Variants in DTD2 observed in about 807,000 individuals in gnomAD.
The protein encoded by DTD2 is D-tyrosyl-tRNA deacylase 2 (putative).
A neutral mutation model predicts 15.5 loss-of-function variants in DTD2; 12 were observed. The observed-to-expected ratio is 0.77, with a 90% CI of 0.50 to 1.25. The LOEUF is 1.25. Ranked by LOEUF, DTD2 falls within the 50% of genes most tolerant of loss-of-function variation. DTD2 has a pLI of 0.00. For missense variants in DTD2, 170 were observed against 201.1 expected, an observed-to-expected ratio of 0.85 and a Z score of 0.93; for synonymous variants, 59 against 77.3, an observed-to-expected ratio of 0.76 and a Z score of 1.24.
Position 31,457,269 on chromosome 14 carries a change from C to A in DTD2, c.111+14G>T. 6.5e-7 allele frequency: 1 copy of A among 1,549,058 alleles called. No homozygotes were observed. Among genetic ancestry groups the A allele is most frequent in the East Asian group, 2.4e-5 (1 of 41,564 alleles). On this transcript the variant is annotated intron_variant, in intron 1 of 2. Transcript: ENST00000310850. ...CACGCCGGAGGATAACGAGAGCTGCCGGGCTGACGTTACCTCCACCCACTG... is the reference window on the plus strand; with the variant it reads ...CACGCCGGAGGATAACGAGAGCTGCAGGGCTGACGTTACCTCCACCCACTG...
At chr14:31,450,619 G>A (rs1341961646) in intron 2 of DTD2, among the ~76,000 whole-genome samples, 3 of 152,128 alleles carry the variant, frequency 2.0e-5, no homozygotes, top group Non-Finnish European at 4.4e-5. Flanking sequence ...ATAGAGGGAA[G>A]TACAAGCTAA....
rs1018501219 is a variant in DTD2 at position 31,457,026 on chromosome 14, T to C, written c.111+257A>G. The C allele has an allele frequency of 1.5e-5, 8 of 523,356 alleles. No homozygotes were observed. The East Asian group carries it at 2.8e-4, about 18-fold the overall frequency. 32.4% of individuals were successfully genotyped at this position (523,356 alleles called of 1,614,324 possible). A position where few individuals can be genotyped will look rare whatever the true frequency, so the allele number is the denominator to read the frequency against. On this transcript the variant is annotated intron_variant, in intron 1 of 2. Coordinates refer to ENST00000310850, the MANE Select transcript of DTD2 (RefSeq NM_080664.3). ...GAAGTTCACCGAACTCAGTTTCAAA[T>C]ACCTGTGGTCCCCCCAAGAAGGGAG...
chr14:31,454,758 A>G lies in DTD2; in HGVS notation c.112-1414T>C, dbSNP rs563350000. On this transcript the variant is annotated intron_variant, in intron 1 of 2. Transcript: ENST00000310850. Reference sequence around the variant, plus strand: ...CTTCAAGTCAAAAATCACTTTCCTTATAACTTCTTTGGTATAAAACATTTC... The same window carrying G: ...CTTCAAGTCAAAAATCACTTTCCTTGTAACTTCTTTGGTATAAAACATTTC... Among the ~76,000 whole-genome samples the G allele has an allele frequency of 1.6e-4, 25 of 152,354 alleles. No individual in the cohort carries two copies. The South Asian group carries it at 4.8e-3, about 29-fold the overall frequency.
chr14:31,457,113 G>C, intron 1 of DTD2, 170 bp downstream of exon 1: 1 of 618,564 alleles, frequency 1.6e-6, no homozygotes, highest in Admixed American at 2.8e-5. Context: ...GGACCGAAAA[G>C]ACAAGCGCAG....
rs1436536954 is a variant in DTD2, at chr14:31,457,426, T to C, written c.-33A>G. ...GCCAGCGCCGCGGCCGGACAGTTAC[T>C]AGGCCATGTGTCGCTGGCCCCTCCC... On this transcript the variant is annotated 5_prime_UTR_variant, in exon 1 of 3. The change abolishes the stop of an existing upstream ORF in the 5' untranslated region. Transcript: ENST00000310850. The C allele has an allele frequency of 7.0e-7, 1 of 1,425,430 alleles. No homozygotes were observed. Among genetic ancestry groups the C allele is most frequent in the Non-Finnish European group, 9.3e-7 (1 of 1,074,180 alleles). The allele number at this position is 1,425,430 out of a possible 1,614,324, so 88.3% of individuals were successfully genotyped here.
At chr14:31,455,317 C>T (rs771084370) in intron 1 of DTD2, among the ~76,000 whole-genome samples, 13 of 151,864 alleles carry the variant, frequency 8.6e-5, no homozygotes, top group Admixed American at 2.0e-4. Context: ...TTTGGGAGGC[C>T]GAGGTGGGCG....
Position 31,446,815 on chromosome 14 carries a change from C to T in DTD2, c.*1314G>A, listed in dbSNP as rs1207200016. Reference sequence around the variant, plus strand: ...GGAAATGAACAAGTCAATTTGTTTTCAAACTATTCTTATGGGAAGCTTCCC... The same window carrying T: ...GGAAATGAACAAGTCAATTTGTTTTTAAACTATTCTTATGGGAAGCTTCCC... On this transcript the variant is annotated 3_prime_UTR_variant, in exon 3 of 3. Coordinates refer to ENST00000310850, the MANE Select transcript of DTD2 (RefSeq NM_080664.3). 1.3e-5 allele frequency: 2 copies of T among 152,182 alleles called. No individual in the cohort carries two copies. The highest frequency in any genetic ancestry group is 4.8e-5 in the African/African-American group (2 of 41,450). The allele number at this position is 152,182 out of a possible 1,614,324, so 9.4% of individuals were successfully genotyped here.
rs933447322 is a variant in DTD2, at chr14:31,446,644, T to C, written c.*1485A>G. The C allele has an allele frequency of 9.9e-5, 15 of 152,230 alleles. No homozygotes were observed. Among genetic ancestry groups the C allele is most frequent in the Non-Finnish European group, 1.9e-4 (13 of 68,042 alleles). The allele number at this position is 152,230 out of a possible 1,614,324, so 9.4% of individuals were successfully genotyped here. ...TCTTTCTGGCTTATATGTTCCAGGATGGGATGGTTGGAGGAGCCCCATCTC... is the reference window on the plus strand; with the variant it reads ...TCTTTCTGGCTTATATGTTCCAGGACGGGATGGTTGGAGGAGCCCCATCTC... On this transcript the variant is annotated 3_prime_UTR_variant, in exon 3 of 3. Transcript: ENST00000310850.
intron 1 of DTD2, among the ~76,000 whole-genome samples, chr14:31,455,464 T>C (rs2032083943): frequency 7.7e-6 from 1 of 130,126 alleles, no homozygotes; most frequent in African/African-American, 3.0e-5. Context: ...GGCAGGAGAA[T>C]GGCGTGAACC....
rs904612540 is a variant in DTD2, at chr14:31,447,051, A to G, written c.*1078T>C. The G allele has an allele frequency of 6.6e-6, 1 of 152,226 alleles. No individual in the cohort carries two copies. Among genetic ancestry groups the G allele is most frequent in the East Asian group, 1.9e-4 (1 of 5,202 alleles). The allele number at this position is 152,226 out of a possible 1,614,324, so 9.4% of individuals were successfully genotyped here. On this transcript the variant is annotated 3_prime_UTR_variant, in exon 3 of 3. Coordinates refer to ENST00000310850, the MANE Select transcript of DTD2 (RefSeq NM_080664.3). ...TTTTAAACCCTTATACTTTGTTCTT[A>G]TATCAAGTAAAGATTCTTAAAGTAA...
At chr14:31,449,201 C>A (rs1437676366) in intron 2 of DTD2, among the ~76,000 whole-genome samples, 1 of 152,130 alleles carries the variant, frequency 6.6e-6, no homozygotes, top group Non-Finnish European at 1.5e-5. Flanking sequence ...CTAAATTCTT[C>A]TTTATAATGG....
At chr14:31,457,192 G>A (rs1184326857) in intron 1 of DTD2, 91 bp downstream of exon 1, 4 of 1,219,572 alleles carry the variant, frequency 3.3e-6, no homozygotes, top group East Asian at 2.7e-5. Context: ...CGGTCTCAGA[G>A]GGAGACACAG....
In DTD2 at chr14:31,453,284, G is replaced by A. The variant is rs1284201542; in HGVS notation, c.172C>T (p.Pro58Ser). 10 of 1,613,908 alleles carry A rather than the reference G, an allele frequency of 6.2e-6. No individual in the cohort carries two copies. Among genetic ancestry groups the A allele is most frequent in the Non-Finnish European group, 8.5e-6 (10 of 1,179,972 alleles). ...FFKGADKELL[P>S]KMVNTLLNVK... ...AAAGTCAAACACATACCCATTTTGG[G>A]AAGAAGTTCTTTATCAGCTCCCTTG... Residue 58 changes from proline to serine, a missense_variant, in exon 2 of 3, where the codon CCC becomes TCC. Pro to Ser is a moderately conservative substitution (Grantham distance 74, BLOSUM62 -1). Transcript: ENST00000310850.
In DTD2 at chr14:31,457,414, C is replaced by T. The variant is rs2032111080; in HGVS notation, c.-21G>A. The T allele has an allele frequency of 6.8e-7, 1 of 1,462,352 alleles. No individual in the cohort carries two copies. Among genetic ancestry groups the T allele is most frequent in the Non-Finnish European group, 9.1e-7 (1 of 1,099,990 alleles). 90.6% of individuals were successfully genotyped at this position (1,462,352 alleles called of 1,614,324 possible). On this transcript the variant is annotated 5_prime_UTR_variant, in exon 1 of 3. Transcript: ENST00000310850. ...GCCATGGCTTAAGCCAGCGCCGCGG[C>T]CGGACAGTTACTAGGCCATGTGTCG... is the stretch of plus-strand genomic sequence containing the variant.
chr14:31,455,860 C>T (rs1164021674), intron 1 of DTD2, among the ~76,000 whole-genome samples: 3 of 151,700 alleles, frequency 2.0e-5, no homozygotes, highest in Admixed American at 6.6e-5. Flanking sequence ...GGGATTACCG[C>T]GCCTGGCAGG....
Position 31,454,967 on chromosome 14 carries a change from T to C in DTD2, c.112-1623A>G, listed in dbSNP as rs544332517. On this transcript the variant is annotated intron_variant, in intron 1 of 2. Coordinates refer to ENST00000310850, the MANE Select transcript of DTD2 (RefSeq NM_080664.3). ...CTAAAAAAACAAGAACTTTTAATAA[T>C]AGAACAGGGTAGAGAATATGTAAGA... is the stretch of plus-strand genomic sequence containing the variant. Among the ~76,000 whole-genome samples, 8 of 152,310 alleles carry C rather than the reference T, an allele frequency of 5.3e-5. No individual in the cohort carries two copies. In the South Asian group the frequency reaches 1.7e-3, roughly 32 times the overall value.
chr14:31,455,720 T>C (rs57603909), intron 1 of DTD2, among the ~76,000 whole-genome samples: 1 of 151,446 alleles, frequency 6.6e-6, no homozygotes, highest in Admixed American at 6.6e-5. Flanking sequence ...TAGCTGGGAT[T>C]ACAGGTGCCC....
chr14:31,454,481 C>A (rs545330498), intron 1 of DTD2, among the ~76,000 whole-genome samples: 1 of 152,252 alleles, frequency 6.6e-6, no homozygotes, highest in East Asian at 1.9e-4. Flanking sequence ...AAACAATAGG[C>A]AAGGGCCTCC....
In DTD2 at chr14:31,448,042, T is replaced by C; in HGVS notation, c.*87A>G. 2 of 1,146,972 alleles carry C rather than the reference T, an allele frequency of 1.7e-6. No individual in the cohort carries two copies. Among genetic ancestry groups the C allele is most frequent in the Middle Eastern group, 4.1e-4 (2 of 4,842 alleles). The allele number at this position is 1,146,972 out of a possible 1,614,324, so 71.0% of individuals were successfully genotyped here. A position where few individuals can be genotyped will look rare whatever the true frequency, so the allele number is the denominator to read the frequency against. ...CCTGTCTAAAAATGCTGAAGATTAG[T>C]ATATTCAAGATTAAGGGGAAGAAAA... On this transcript the variant is annotated 3_prime_UTR_variant, in exon 3 of 3. Transcript: ENST00000310850.
Sources: gnomAD v4.1 joint callset for allele counts (sites outside exome capture counted in the v4.1 genomes callset) on GRCh38, gnomAD v4.1.1 for gene constraint, MANE v1.5 for transcripts, NCBI Gene and HGNC (gene_info 2026-07-23, HGNC 2026-07-21) for gene names.